Variants in FBXO38 observed in about 807,000 individuals in gnomAD.
The protein encoded by FBXO38 is F-box only protein 38.
FBXO38 carries 53 observed loss-of-function variants against 131.9 expected under a neutral mutation model. The ratio of observed to expected loss-of-function variants is 0.40; its 90% CI spans 0.32 to 0.51. The LOEUF is 0.51. Among genes scored for constraint, FBXO38 ranks in the 20% least tolerant of loss-of-function variants. The pLI, the probability that FBXO38 is intolerant of heterozygous loss-of-function variation, is 0.53. For synonymous variants in FBXO38, 452 were observed against 505.6 expected (o/e 0.89, Z 1.42); for missense variants, 1,076 against 1,475.6 (o/e 0.73, Z 4.44).
rs757344279 is a variant in FBXO38, at chr5:148,394,696, G to A, written c.-63-18G>A. On this transcript the variant is annotated intron_variant, in intron 1 of 21. Transcript: ENST00000340253. ...GGGGTGTGTTTTTTTAGTCTACTTCGTTCTGTTTGCTTTTCAGGTACTTTG... is the reference window on the plus strand; with the variant it reads ...GGGGTGTGTTTTTTTAGTCTACTTCATTCTGTTTGCTTTTCAGGTACTTTG... 2.7e-4 allele frequency: 367 copies of A among 1,359,648 alleles called. No individual in the cohort carries two copies. Among genetic ancestry groups the A allele is most frequent in the African/African-American group, 1.2e-3 (80 of 66,130 alleles). The allele number at this position is 1,359,648 out of a possible 1,614,324, so 84.2% of individuals were successfully genotyped here.
intron 2 of FBXO38, among the ~76,000 whole-genome samples, chr5:148,398,115 C>G (rs115413976): frequency 3.0e-3 from 461 of 152,066 alleles, no homozygotes; most frequent in African/African-American, 0.011. Flanking sequence ...AGATAAAGGA[C>G]TGGGAGAGAG....
At chr5:148,407,020 C>T (rs1219490289) in intron 7 of FBXO38, among the ~76,000 whole-genome samples, 2 of 152,112 alleles carry the variant, frequency 1.3e-5, no homozygotes, top group Middle Eastern at 3.2e-3. Flanking sequence ...AACTTTGGCT[C>T]TCTAAAATAA....
At chr5:148,424,205 T>A in intron 13 of FBXO38, 88 bp downstream of exon 13, 1 of 1,327,834 alleles carries the variant, frequency 7.5e-7, no homozygotes, top group Non-Finnish European at 1.0e-6. Context: ...ATGATTGTTT[T>A]CTGACCTTTC....
intron 1 of FBXO38, among the ~76,000 whole-genome samples, chr5:148,391,902 A>G (rs10515613): frequency 0.058 from 8,839 of 152,260 alleles, 340 homozygotes; most frequent in Non-Finnish European, 0.086. Context: ...ATGCAGACAC[A>G]GTATATTTGT....
chr5:148,403,873 A>G (rs1253441739), intron 5 of FBXO38, among the ~76,000 whole-genome samples: 1 of 152,182 alleles, frequency 6.6e-6, no homozygotes, highest in African/African-American at 2.4e-5. Context: ...AAATGCCATC[A>G]TCCTGGATCC....
At chr5:148,423,206 C>T (rs773573712) in intron 12 of FBXO38, among the ~76,000 whole-genome samples, 2 of 152,128 alleles carry the variant, frequency 1.3e-5, no homozygotes, top group Non-Finnish European at 2.9e-5. Flanking sequence ...TGTGCATCCT[C>T]TTTAAGAGCA....
intron 3 of FBXO38, among the ~76,000 whole-genome samples, chr5:148,401,435 G>C (rs1388405157): frequency 1.3e-5 from 2 of 152,146 alleles, no homozygotes; most frequent in Non-Finnish European, 2.9e-5. Flanking sequence ...AATGGCGGGG[G>C]AGTAATAGTT....
Position 148,401,952 on chromosome 5 carries a change from C to A in FBXO38, c.263-30C>A, listed in dbSNP as rs368902440. ...AAATGTTAATGAACAGAAAGATGAA[C>A]CTGGCTCTAAATACTTCTGAACTTC... is the stretch of plus-strand genomic sequence containing the variant. On this transcript the variant is annotated intron_variant, in intron 3 of 21. Transcript: ENST00000340253. The A allele has an allele frequency of 2.4e-4, 367 of 1,552,234 alleles. 1 individual carries two copies. The highest frequency in any genetic ancestry group is 3.1e-4 in the Non-Finnish European group (351 of 1,139,940).
chr5:148,413,387 A>G (rs4639212), intron 9 of FBXO38: 37,971 of 151,470 alleles, frequency 0.25, 4,824 homozygotes, highest in South Asian at 0.29. Flanking sequence ...ACTGTGAGAG[A>G]CGTATTCCCA....
Position 148,416,954 on chromosome 5 carries a change from AC to A in FBXO38, c.1408-37del, listed in dbSNP as rs2113588517. The A allele has an allele frequency of 3.8e-6, 5 of 1,309,514 alleles. 1 individual carries two copies. In the East Asian group the frequency reaches 1.2e-4, roughly 30 times the overall value. The allele number at this position is 1,309,514 out of a possible 1,614,324, so 81.1% of individuals were successfully genotyped here. On this transcript the variant is annotated intron_variant, in intron 11 of 21. Transcript: ENST00000340253. ...ATTAAAAATGAAGGGATATATACTA[AC>A]CCAAATTAATAAACGTATGTGTTTT...
At chr5:148,433,871 C>A in intron 17 of FBXO38, 134 bp downstream of exon 17, 1 of 515,150 alleles carries the variant, frequency 1.9e-6, no homozygotes, top group Non-Finnish European at 3.5e-6. Context: ...TTTAGTTCCG[C>A]CTTTGTTCTA....
chr5:148,397,124 A>C (rs1490171120), intron 2 of FBXO38, among the ~76,000 whole-genome samples: 1 of 152,128 alleles, frequency 6.6e-6, no homozygotes, highest in African/African-American at 2.4e-5. Flanking sequence ...AGTCTTCTAA[A>C]ATTTTGATTT....
chr5:148,423,941 C>A, intron 12 of FBXO38, 57 bp from the exon 13 acceptor site: 1 of 1,541,732 alleles, frequency 6.5e-7, no homozygotes, highest in Middle Eastern at 1.7e-4. Flanking sequence ...GTTTTGCCTG[C>A]CATTGTAGTT....
Position 148,415,832 on chromosome 5 carries a change from A to G in FBXO38, c.1265-96A>G, listed in dbSNP as rs552677016. 9 of 1,293,364 alleles carry G rather than the reference A, an allele frequency of 7.0e-6. No homozygotes were observed. The African/African-American group carries it at 1.4e-4, about 19-fold the overall frequency. The allele number at this position is 1,293,364 out of a possible 1,614,324, so 80.1% of individuals were successfully genotyped here. On this transcript the variant is annotated intron_variant, in intron 10 of 21. Coordinates refer to ENST00000340253, the MANE Select transcript of FBXO38 (RefSeq NM_205836.3). ...AAAAAAGGAAAAGTTATTTTAAAAA[A>G]AAGGATTTGAAAGTCTTTGTGACCT... is the stretch of plus-strand genomic sequence containing the variant.
chr5:148,415,881 G>A, intron 10 of FBXO38, 47 bp from the exon 11 acceptor site: 1 of 1,603,892 alleles, frequency 6.2e-7, no homozygotes, highest in East Asian at 2.2e-5. Flanking sequence ...TCAGTAATGG[G>A]GAAAATGTTA....
At chr5:148,428,826 G>A (rs1188954628) in intron 15 of FBXO38, among the ~76,000 whole-genome samples, 1 of 152,186 alleles carries the variant, frequency 6.6e-6, no homozygotes, top group Non-Finnish European at 1.5e-5. Context: ...CCTTAGTTAT[G>A]TGCTAGTTAC....
rs73264599 is a variant in FBXO38, at chr5:148,424,609, G to A, written c.1738+492G>A. On this transcript the variant is annotated intron_variant, in intron 13 of 21. Coordinates refer to ENST00000340253, the MANE Select transcript of FBXO38 (RefSeq NM_205836.3). Reference sequence around the variant, plus strand: ...GCATAGCCTTTCATTTTGTAGATGGGGAAATTAATTTTCTTTCAAAAGTTT... The same window carrying A: ...GCATAGCCTTTCATTTTGTAGATGGAGAAATTAATTTTCTTTCAAAAGTTT... 4.8e-3 allele frequency among the ~76,000 whole-genome samples: 723 copies of A among 152,102 alleles called. 4 individuals are homozygous for A. Among genetic ancestry groups the A allele is most frequent in the African/African-American group, 0.016 (677 of 41,478 alleles).
At position 148,416,088 on chromosome 5, in the gene FBXO38, G is replaced by C. The variant is rs765333769; in HGVS notation, c.1407+18G>C. On this transcript the variant is annotated intron_variant, in intron 11 of 21. Transcript: ENST00000340253. ...CACCCAAGGTAAGATACATTTGAGG[G>C]AGTTTTTGTTTATTTTGATAGGAAA... 1.6e-5 allele frequency: 24 copies of C among 1,509,280 alleles called. No homozygotes were observed. Among genetic ancestry groups the C allele is most frequent in the Non-Finnish European group, 4.4e-6 (5 of 1,128,384 alleles). 93.5% of individuals were successfully genotyped at this position (1,509,280 alleles called of 1,614,324 possible). A position where few individuals can be genotyped will look rare whatever the true frequency, so the allele number is the denominator to read the frequency against.
At chr5:148,424,788 A>C (rs1341698909) in intron 13 of FBXO38, among the ~76,000 whole-genome samples, 1 of 152,132 alleles carries the variant, frequency 6.6e-6, no homozygotes, top group Non-Finnish European at 1.5e-5. Context: ...AGATGCAGTC[A>C]CTCATTCAAC....
Sources: gnomAD v4.1 joint callset for allele counts (sites outside exome capture counted in the v4.1 genomes callset) on GRCh38, gnomAD v4.1.1 for gene constraint, MANE v1.5 for transcripts, NCBI Gene and HGNC (gene_info 2026-07-23, HGNC 2026-07-21) for gene names.